Variants in HMBOX1 observed in about 807,000 individuals in gnomAD.
HMBOX1 encodes the protein homeobox containing 1, also known as homeobox-containing protein 1.
Under a neutral mutation model 54.5 loss-of-function variants are expected in HMBOX1, and 14 were observed. The observed-to-expected ratio is 0.26, with a 90% CI of 0.17 to 0.40. The LOEUF is 0.40. HMBOX1 is among the 10% of genes least tolerant of loss of function. The pLI is 1.00. For synonymous variants in HMBOX1, 160 were observed against 181.0 expected (o/e 0.88, Z 0.93); for missense variants, 332 against 514.4 (o/e 0.65, Z 3.43).
chr8:29,011,332 T>C (rs1834196847), intron 5 of HMBOX1, among the ~76,000 whole-genome samples: 1 of 152,216 alleles, frequency 6.6e-6, no homozygotes, highest in Non-Finnish European at 1.5e-5. Context: ...CCAAGTGTGA[T>C]GGTTTTGTTA....
At position 28,991,010 on chromosome 8, in the gene HMBOX1, A is replaced by G. The variant is rs190007237; in HGVS notation, c.586+10854A>G. On this transcript the variant is annotated intron_variant, in intron 4 of 9. Transcript: ENST00000287701. ...TTGTTATCATAATAACGTTGGCCTC[A>G]TGAGATAAGTTGGGAAGTGGTCCTT... 1.1e-3 allele frequency among the ~76,000 whole-genome samples: 168 copies of G among 152,322 alleles called. 2 individuals are homozygous for G. The highest frequency in any genetic ancestry group is 3.9e-3 in the African/African-American group (161 of 41,576).
At chr8:28,979,323 AT>A (rs551930604) in intron 3 of HMBOX1, among the ~76,000 whole-genome samples, 32 of 152,360 alleles carry the variant, frequency 2.1e-4, no homozygotes, top group Non-Finnish European at 4.6e-4. Context: ...TCTTTTGAGA[AT>A]TTGTTGAGTC....
chr8:29,009,643 A>AT lies in HMBOX1; in HGVS notation c.697+463dup, dbSNP rs896564504. ...TCTGCTAATGATTTTTTTTTTTCTA[A>AT]TTCTAATGACCTGGGTAATGGATGT... On this transcript the variant is annotated intron_variant, in intron 5 of 9. Transcript: ENST00000287701. 3.2e-6 allele frequency: 4 copies of AT among 1,236,310 alleles called. No homozygotes were observed. In the African/African-American group the frequency reaches 6.6e-5, roughly 20 times the overall value. The allele number at this position is 1,236,310 out of a possible 1,614,324, so 76.6% of individuals were successfully genotyped here.
intron 1 of HMBOX1, among the ~76,000 whole-genome samples, chr8:28,961,708 G>A (rs1034795823): frequency 5.3e-5 from 8 of 151,930 alleles, no homozygotes; most frequent in African/African-American, 1.9e-4. Flanking sequence ...AAGTGGAATC[G>A]CTGGATCATA....
rs1320661810 is a variant in HMBOX1 at position 29,030,208 on chromosome 8, A to G, written c.851+11295A>G. Among the ~76,000 whole-genome samples the G allele has an allele frequency of 2.0e-5, 3 of 149,500 alleles. No homozygotes were observed. The East Asian group carries it at 5.9e-4, about 29-fold the overall frequency. On this transcript the variant is annotated intron_variant, in intron 6 of 9. Transcript: ENST00000287701. ...TTTTTTTTTTTTTCATGTAAAAAGC[A>G]AATTGGTCAATACCTTTTGTTTTTT...
intron 1 of HMBOX1, 116 bp downstream of exon 1, chr8:28,890,794 G>A (rs1810734537): frequency 6.6e-6 from 1 of 152,590 alleles, no homozygotes. Context: ...GGACGCTGGG[G>A]ATGGGTCTCG....
At chr8:28,906,735 G>A (rs562745823) in intron 1 of HMBOX1, among the ~76,000 whole-genome samples, 2 of 152,212 alleles carry the variant, frequency 1.3e-5, no homozygotes, top group Non-Finnish European at 2.9e-5. Flanking sequence ...GATTATAGGC[G>A]TTAGCCACCA....
At chr8:28,994,751 A>G (rs1831534714) in intron 4 of HMBOX1, among the ~76,000 whole-genome samples, 1 of 152,220 alleles carries the variant, frequency 6.6e-6, no homozygotes, top group African/African-American at 2.4e-5. Flanking sequence ...AGCTCTTACA[A>G]GTTATTATGA....
chr8:28,893,596 C>T (rs569756988), intron 1 of HMBOX1, among the ~76,000 whole-genome samples: 1 of 152,312 alleles, frequency 6.6e-6, no homozygotes, highest in African/African-American at 2.4e-5. Context: ...AGATTTCAGT[C>T]TTCTAGCCCA....
At chr8:28,913,010 T>G (rs1248908979) in intron 1 of HMBOX1, among the ~76,000 whole-genome samples, 1 of 152,218 alleles carries the variant, frequency 6.6e-6, no homozygotes, top group Admixed American at 6.5e-5. Context: ...TCTTACTTCC[T>G]TCATGTTAAC....
chr8:29,006,521 C>G (rs1368019128), intron 4 of HMBOX1, among the ~76,000 whole-genome samples: 2 of 152,220 alleles, frequency 1.3e-5, no homozygotes, highest in African/African-American at 4.8e-5. Context: ...ATCCTTCCAT[C>G]AGCAGTGTGA....
In HMBOX1 at chr8:28,980,114, G is replaced by T; in HGVS notation, c.544G>T (p.Ala182Ser). The change falls in exon 4 of 10, where the codon GCC becomes TCC. Residue 182 changes from alanine to serine, a missense_variant. Ala to Ser is a moderately conservative substitution (Grantham distance 99, BLOSUM62 1). Around this residue, in one of 4 missense-constraint regions of HMBOX1, gnomAD observed 117 missense variants for 220.0 expected, o/e 0.53. Transcript: ENST00000287701. ...AAAAGAGGAAATCAAAGCCTTTCTTGCCAATCGGAGGATTTCCCAAGCAGT... is the reference window on the plus strand; with the variant it reads ...AAAAGAGGAAATCAAAGCCTTTCTTTCCAATCGGAGGATTTCCCAAGCAGT... ...VIKEEIKAFL[A>S]NRRISQAVVA... 13 of 1,613,892 alleles carry T rather than the reference G, an allele frequency of 8.1e-6. No homozygotes were observed. The highest frequency in any genetic ancestry group is 1.1e-5 in the Non-Finnish European group (13 of 1,179,818).
intron 1 of HMBOX1, among the ~76,000 whole-genome samples, chr8:28,953,610 C>A (rs1314337705): frequency 1.3e-5 from 2 of 151,906 alleles, no homozygotes; most frequent in Admixed American, 1.3e-4. Flanking sequence ...CTCTCCCAAC[C>A]ACTTTTTAAG....
intron 4 of HMBOX1, among the ~76,000 whole-genome samples, chr8:28,983,666 T>C (rs1323879139): frequency 1.3e-5 from 2 of 152,178 alleles, no homozygotes; most frequent in African/African-American, 4.8e-5. Flanking sequence ...CTAGCTACCT[T>C]GTAGTGTAAG....
intron 1 of HMBOX1, among the ~76,000 whole-genome samples, chr8:28,898,576 G>T (rs930354593): frequency 1.3e-5 from 2 of 152,162 alleles, no homozygotes; most frequent in Non-Finnish European, 2.9e-5. Context: ...TCAAGCTCTC[G>T]TTCTGGTGAT....
intron 6 of HMBOX1, among the ~76,000 whole-genome samples, chr8:29,030,429 G>A (rs540478227): frequency 5.9e-5 from 9 of 152,060 alleles, no homozygotes; most frequent in Non-Finnish European, 1.0e-4. Flanking sequence ...ATGTTGGTCA[G>A]GCTAGTCTTG....
chr8:29,023,171 T>C (rs1454848186), intron 6 of HMBOX1, among the ~76,000 whole-genome samples: 1 of 152,140 alleles, frequency 6.6e-6, no homozygotes, highest in African/African-American at 2.4e-5. Context: ...ATTAGAGTTA[T>C]TAGGAACCAA....
chr8:28,954,946 CCTT>C (rs1404138589), intron 1 of HMBOX1, among the ~76,000 whole-genome samples: 5 of 152,102 alleles, frequency 3.3e-5, no homozygotes, highest in Non-Finnish European at 7.4e-5. Context: ...CATCTTGCCA[CCTT>C]CTGGCAATAC....
At chr8:28,995,963 G>A (rs891471196) in intron 4 of HMBOX1, among the ~76,000 whole-genome samples, 6 of 151,956 alleles carry the variant, frequency 3.9e-5, no homozygotes, top group East Asian at 1.9e-4. Context: ...AACATTAGCC[G>A]GGCGTGGTGG....
Sources: gnomAD v4.1 joint callset for allele counts (sites outside exome capture counted in the v4.1 genomes callset) on GRCh38, gnomAD v4.1.1 for gene constraint, gnomAD v4.1.1 regional missense constraint, MANE v1.5 for transcripts, NCBI Gene and HGNC (gene_info 2026-07-23, HGNC 2026-07-21) for gene names.